The following ANK2 variants were observed in gnomAD, a reference collection of about 807,000 sequenced individuals.
ANK2 encodes ankyrin-2.
ANK2 carries 83 observed loss-of-function variants against 360.5 expected under a neutral mutation model. The ratio of observed to expected loss-of-function variants is 0.23; its 90% CI spans 0.19 to 0.28. ANK2 has a LOEUF of 0.28. Ranked by LOEUF, ANK2 falls within the 10% of genes least tolerant of loss-of-function variation. The probability of loss-of-function intolerance (pLI) is 1.00; values close to 1 mark genes in which losing one functional copy is unlikely to be tolerated. For missense variants in ANK2, 4,201 were observed against 4,795.7 expected (o/e 0.88, Z 3.66); for synonymous variants, 1,740 against 1,759.5 (o/e 0.99, Z 0.28).
rs60272903 is a variant in ANK2, at chr4:112,829,491, C to CAAAAAAAAAAAAAAA, written c.-40+11232_-40+11246dup. 1.6e-4 allele frequency among the ~76,000 whole-genome samples: 10 copies of CAAAAAAAAAAAAAAA among 60,728 alleles called. 2 individuals carry two copies. The highest frequency in any genetic ancestry group is 4.9e-4 in the African/African-American group (6 of 12,360). The allele number at this position is 60,728 out of a possible 152,430, so 39.8% of individuals were successfully genotyped here. A position where few individuals can be genotyped will look rare whatever the true frequency, so the allele number is the denominator to read the frequency against. ...GCAACATAGTATGAGCCCATCTCTACAAAAAAAAAAAAAAAAAAAGGAAGG... is the reference window on the plus strand; with the variant it reads ...GCAACATAGTATGAGCCCATCTCTACAAAAAAAAAAAAAAAAAAAAAAAAAAAAAAAAAAGGAAGG... On this transcript the variant is annotated intron_variant, in intron 1 of 30. Transcript: ENST00000503271.
At chr4:113,046,323 T>G (rs2064368217), upstream of ANK2, among the ~76,000 whole-genome samples, 1 of 152,196 alleles carries the variant, frequency 6.6e-6, no homozygotes, top group African/African-American at 2.4e-5. Flanking sequence ...GGCAATACTT[T>G]GTACAGGAAG....
At chr4:112,892,456 A>G (rs900975024) in intron 1 of ANK2, among the ~76,000 whole-genome samples, 2 of 152,254 alleles carry the variant, frequency 1.3e-5, no homozygotes, top group African/African-American at 4.8e-5. Flanking sequence ...ATGCATGTAT[A>G]TAACATCCTG....
intron 26 of ANK2, among the ~76,000 whole-genome samples, chr4:113,326,305 G>A (rs1242421443): frequency 1.3e-5 from 2 of 152,090 alleles, no homozygotes; most frequent in African/African-American, 4.8e-5. Flanking sequence ...TCACTGATAA[G>A]CATACCTATT....
At chr4:113,321,572 G>A (rs1000531030) in intron 26 of ANK2, among the ~76,000 whole-genome samples, 3 of 152,092 alleles carry the variant, frequency 2.0e-5, no homozygotes, top group African/African-American at 4.8e-5. Context: ...ATGTATATGA[G>A]TAACACTCAT....
At chr4:112,891,082 C>A (rs1428369078) in intron 1 of ANK2, among the ~76,000 whole-genome samples, 1 of 152,152 alleles carries the variant, frequency 6.6e-6, no homozygotes, top group Admixed American at 6.5e-5. Flanking sequence ...TGTGTAATGT[C>A]ATTTACTTTT....
At chr4:112,890,711 G>A (rs2079778510) in intron 1 of ANK2, among the ~76,000 whole-genome samples, 1 of 151,888 alleles carries the variant, frequency 6.6e-6, no homozygotes. Context: ...GGGATTACAG[G>A]CATGTGCCAC....
chr4:113,136,828 C>T lies in ANK2; in HGVS notation c.85-37588C>T, dbSNP rs112419226. ...CTGGAGTGCAGCAGTACAATCTCGGCTTACTGCAACCTCCGCCTCCCGGGT... is the reference window on the plus strand; with the variant it reads ...CTGGAGTGCAGCAGTACAATCTCGGTTTACTGCAACCTCCGCCTCCCGGGT... On this transcript the variant is annotated intron_variant, in intron 1 of 45. Transcript: ENST00000357077. Among the ~76,000 whole-genome samples, 208 of 150,478 alleles carry T rather than the reference C, an allele frequency of 1.4e-3. 1 individual carries two copies. Among genetic ancestry groups the T allele is most frequent in the Middle Eastern group, 3.4e-3 (1 of 292 alleles).
At chr4:113,342,513 C>T (rs966338182) in intron 33 of ANK2, among the ~76,000 whole-genome samples, 4 of 152,014 alleles carry the variant, frequency 2.6e-5, no homozygotes, top group African/African-American at 9.7e-5. Flanking sequence ...CCAACCTGGC[C>T]AACATGGCAA....
intron 1 of ANK2, among the ~76,000 whole-genome samples, chr4:113,129,294 T>G (rs539722545): frequency 1.3e-5 from 2 of 152,206 alleles, no homozygotes; most frequent in Non-Finnish European, 2.9e-5. Context: ...TGTGTTTAAC[T>G]ATCAAAAATT....
At chr4:113,323,271 C>A (rs1247606291) in intron 26 of ANK2, among the ~76,000 whole-genome samples, 1 of 152,066 alleles carries the variant, frequency 6.6e-6, no homozygotes, top group Non-Finnish European at 1.5e-5. Flanking sequence ...ACCTACCCCG[C>A]TTTATAGTTT....
chr4:112,846,094 T>A (rs62317068), intron 1 of ANK2, among the ~76,000 whole-genome samples: 15,001 of 152,136 alleles, frequency 0.099, 944 homozygotes, highest in Non-Finnish European at 0.14. Flanking sequence ...AATCTGCTTC[T>A]TTCCTTCCTA....
intron 1 of ANK2, among the ~76,000 whole-genome samples, chr4:113,161,800 T>A (rs987412069): frequency 1.3e-5 from 2 of 152,060 alleles, no homozygotes; most frequent in Admixed American, 6.6e-5. Context: ...TTAAATATGT[T>A]GATGGGTCAG....
chr4:112,761,045 G>C, the ANK2 span, among the ~76,000 whole-genome samples: 1 of 151,742 alleles, frequency 6.6e-6, no homozygotes, highest in Non-Finnish European at 1.5e-5. Flanking sequence ...CTGCCCACAT[G>C]ATCCGCCCGC....
intron 2 of ANK2, among the ~76,000 whole-genome samples, chr4:112,983,504 C>T (rs369845097): frequency 5.8e-4 from 88 of 151,992 alleles, no homozygotes; most frequent in African/African-American, 1.9e-3. Flanking sequence ...TGGAGAAACC[C>T]TGTCTCTACT....
chr4:113,186,255 C>T (rs550073755), intron 2 of ANK2, among the ~76,000 whole-genome samples: 2 of 152,270 alleles, frequency 1.3e-5, no homozygotes, highest in East Asian at 3.9e-4. Flanking sequence ...GATACCCAGG[C>T]AAACGATCTG....
At chr4:112,974,902 G>A (rs1561365052) in intron 2 of ANK2, among the ~76,000 whole-genome samples, 1 of 151,174 alleles carries the variant, frequency 6.6e-6, no homozygotes, top group Admixed American at 6.6e-5. Context: ...AAGTAGGAAA[G>A]AAGGATTATC....
the ANK2 span, among the ~76,000 whole-genome samples, chr4:112,806,713 C>T: frequency 6.6e-6 from 1 of 152,032 alleles, no homozygotes. Flanking sequence ...CCTGTAGTCC[C>T]AGCTACTTGG....
intron 5 of ANK2, among the ~76,000 whole-genome samples, chr4:113,235,028 G>A (rs562197002): frequency 6.6e-6 from 1 of 152,248 alleles, no homozygotes; most frequent in East Asian, 1.9e-4. Context: ...TTTTTATACA[G>A]TATTTCTCTA....
chr4:113,155,977 TG>T (rs1243656448), intron 1 of ANK2, among the ~76,000 whole-genome samples: 2 of 152,228 alleles, frequency 1.3e-5, no homozygotes, highest in African/African-American at 4.8e-5. Flanking sequence ...GGCAAACATT[TG>T]TAATGTCTTT....
Sources: gnomAD v4.1 joint callset for allele counts (sites outside exome capture counted in the v4.1 genomes callset) on GRCh38, gnomAD v4.1.1 for gene constraint, MANE v1.5 for transcripts, NCBI Gene and HGNC (gene_info 2026-07-23, HGNC 2026-07-21) for gene names.